Variants in ADAM18 observed in about 807,000 individuals in gnomAD.
ADAM18 encodes the protein ADAM metallopeptidase domain 18, also known as disintegrin and metalloproteinase domain-containing protein 18.
In ADAM18, 117 loss-of-function variants were observed where a neutral mutation model predicts 94.4. The ratio of observed to expected loss-of-function variants is 1.24; its 90% confidence interval spans 1.07 to 1.45. The LOEUF (loss-of-function observed/expected upper bound fraction) is 1.45, where lower values mean the gene tolerates loss of function less well. Ranked by LOEUF, ADAM18 falls within the 40% of genes most tolerant of loss-of-function variation. The pLI is 0.00. For synonymous variants in ADAM18, 327 were observed against 291.6 expected (o/e 1.12, Z -1.24); for missense variants, 936 against 880.0 (o/e 1.06, Z -0.81).
chr8:39,641,581 G>C (rs1034530931), intron 10 of ADAM18, among the ~76,000 whole-genome samples: 1 of 151,714 alleles, frequency 6.6e-6, no homozygotes, highest in Non-Finnish European at 1.5e-5. Flanking sequence ...CATCATTCTA[G>C]GTGTCCATGT....
chr8:39,714,255 C>T (rs1345175816), intron 18 of ADAM18, among the ~76,000 whole-genome samples: 1 of 152,078 alleles, frequency 6.6e-6, no homozygotes, highest in Non-Finnish European at 1.5e-5. Flanking sequence ...CACTTGGTTG[C>T]AGGGCAGGGA....
chr8:39,607,767 A>C (rs1196158490), intron 3 of ADAM18, among the ~76,000 whole-genome samples: 1 of 136,764 alleles, frequency 7.3e-6, no homozygotes. Context: ...ATTCTTTCTC[A>C]TCTCTCGAAT....
At chr8:39,677,304 G>T (rs1314959763) in intron 14 of ADAM18, 127 bp from the exon 15 acceptor site, 4 of 677,084 alleles carry the variant, frequency 5.9e-6, no homozygotes, top group Middle Eastern at 3.3e-4. Context: ...GACAGGGTAT[G>T]CATAGAAACA....
At chr8:39,620,357 C>CAAAAAAAAAAAAAAACAA (rs1819574299) in intron 6 of ADAM18, among the ~76,000 whole-genome samples, 1 of 90,568 alleles carries the variant, frequency 1.1e-5, no homozygotes, top group Non-Finnish European at 2.1e-5. Flanking sequence ...GCAACAAAAG[C>CAAAAAAAAAAAAAAACAA]AAAAAAAAAA....
intron 6 of ADAM18, among the ~76,000 whole-genome samples, chr8:39,623,926 A>G (rs1465747356): frequency 1.6e-4 from 24 of 152,072 alleles, no homozygotes; most frequent in Non-Finnish European, 1.2e-4. Context: ...AGCATTTTTC[A>G]TGTTTGTTGG....
chr8:39,617,147 C>T (rs966235755), intron 6 of ADAM18, among the ~76,000 whole-genome samples: 1 of 151,326 alleles, frequency 6.6e-6, no homozygotes, highest in Non-Finnish European at 1.5e-5. Flanking sequence ...CTAAAATTTA[C>T]AAGAAAAAAA....
At chr8:39,602,631 C>T (rs1818940170) in intron 2 of ADAM18, among the ~76,000 whole-genome samples, 1 of 152,094 alleles carries the variant, frequency 6.6e-6, no homozygotes, top group Non-Finnish European at 1.5e-5. Flanking sequence ...AAGATTCAGA[C>T]ATTTTGTTCA....
intron 18 of ADAM18, among the ~76,000 whole-genome samples, chr8:39,713,491 A>G (rs916801325): frequency 6.6e-6 from 1 of 152,094 alleles, no homozygotes; most frequent in East Asian, 1.9e-4. Flanking sequence ...ACTACCATCC[A>G]GGTGAACAGG....
chr8:39,658,623 C>T (rs1056295089), intron 12 of ADAM18, among the ~76,000 whole-genome samples: 3 of 152,032 alleles, frequency 2.0e-5, no homozygotes, highest in Non-Finnish European at 2.9e-5. Flanking sequence ...AAGTTTAGAT[C>T]GTATGTTTGC....
intron 6 of ADAM18, among the ~76,000 whole-genome samples, chr8:39,628,416 A>AATAGATAC (rs564475477): frequency 3.4e-5 from 5 of 148,174 alleles, no homozygotes; most frequent in African/African-American, 5.0e-5. Context: ...CTGATAGATC[A>AATAGATAC]ATAGATAGAT....
chr8:39,602,289 T>C (rs1818930276), intron 2 of ADAM18, among the ~76,000 whole-genome samples: 1 of 152,234 alleles, frequency 6.6e-6, no homozygotes, highest in Admixed American at 6.5e-5. Context: ...GGTTGCATCA[T>C]TTTAAATTTC....
chr8:39,695,098 G>C (rs1821886546), intron 17 of ADAM18, among the ~76,000 whole-genome samples: 1 of 151,450 alleles, frequency 6.6e-6, no homozygotes, highest in Non-Finnish European at 1.5e-5. Context: ...CCACTGTACA[G>C]ATGTACCACA....
In ADAM18 at chr8:39,643,642, G is replaced by A. The variant is rs557693563; in HGVS notation, c.910-1696G>A. Among the ~76,000 whole-genome samples the A allele has an allele frequency of 5.3e-5, 8 of 152,084 alleles. No individual in the cohort carries two copies. In the South Asian group the frequency reaches 1.5e-3, roughly 28 times the overall value. On this transcript the variant is annotated intron_variant, in intron 10 of 19. Transcript: ENST00000265707. ...GTGGTTCCTCTTGAGGGCTGCGAAC[G>A]ACAATCTTTTCTCTGCCTTTGCCCT...
chr8:39,600,671 A>G (rs1354775120), intron 2 of ADAM18, among the ~76,000 whole-genome samples: 8 of 152,348 alleles, frequency 5.3e-5, no homozygotes, highest in Admixed American at 2.6e-4. Context: ...ATAAGACTGA[A>G]TGCTTAATCA....
chr8:39,644,371 A>T (rs912287785), intron 10 of ADAM18, among the ~76,000 whole-genome samples: 3 of 152,076 alleles, frequency 2.0e-5, no homozygotes, highest in African/African-American at 7.2e-5. Flanking sequence ...GCTCACTGCA[A>T]CCCCAAACTC....
At chr8:39,605,519 G>A (rs1819049513) in intron 2 of ADAM18, among the ~76,000 whole-genome samples, 2 of 152,256 alleles carry the variant, frequency 1.3e-5, no homozygotes, top group South Asian at 2.1e-4. Flanking sequence ...CTGCACATAT[G>A]TATGTATATA....
At chr8:39,613,811 A>T (rs1036156442) in intron 6 of ADAM18, among the ~76,000 whole-genome samples, 2 of 152,238 alleles carry the variant, frequency 1.3e-5, no homozygotes, top group Non-Finnish European at 2.9e-5. Flanking sequence ...TGAAAAATTC[A>T]CTAGAAGAGT....
chr8:39,654,124 C>CATGTTGCT, intron 12 of ADAM18, among the ~76,000 whole-genome samples: 1 of 151,140 alleles, frequency 6.6e-6, no homozygotes, highest in East Asian at 1.9e-4. Flanking sequence ...CAGTTACATC[C>CATGTTGCT]ATGTTGCTGC....
chr8:39,699,407 A>G (rs546005063), intron 17 of ADAM18, among the ~76,000 whole-genome samples: 55 of 152,074 alleles, frequency 3.6e-4, no homozygotes, highest in Non-Finnish European at 6.8e-4. Flanking sequence ...TTTTCCATTA[A>G]TATCTTACTT....
Sources: allele counts gnomAD v4.1 joint callset (sites outside exome capture counted in the v4.1 genomes callset), GRCh38; gene constraint gnomAD v4.1.1; transcripts MANE v1.5; gene names NCBI Gene and HGNC (gene_info 2026-07-23, HGNC 2026-07-21).